SLC45A4: variants seen among roughly 807,000 people sequenced by gnomAD.
The protein encoded by SLC45A4 is solute carrier family 45 member 4.
In SLC45A4, 32 loss-of-function variants were observed where a neutral mutation model predicts 63.7. The observed-to-expected ratio is 0.50, with a 90% confidence interval of 0.38 to 0.67. The LOEUF (loss-of-function observed/expected upper bound fraction) is 0.67, where lower values mean the gene tolerates loss of function less well. SLC45A4 is among the 30% of genes least tolerant of loss of function. The pLI is 0.00. For synonymous variants in SLC45A4, 535 were observed against 510.0 expected (o/e 1.05, Z -0.66); for missense variants, 1,027 against 1,157.7 (o/e 0.89, Z 1.64).
chr8:141,219,494 C>T (rs1589768121), intron 4 of SLC45A4, among the ~76,000 whole-genome samples, 156 bp downstream of exon 4: 1 of 152,006 alleles, frequency 6.6e-6, no homozygotes, highest in Non-Finnish European at 1.5e-5. Flanking sequence ...GAGGGGCTGC[C>T]CCTGGTTACC....
At chr8:141,223,892 A>C (rs1826814895) in intron 2 of SLC45A4, among the ~76,000 whole-genome samples, 1 of 152,194 alleles carries the variant, frequency 6.6e-6, no homozygotes, top group Non-Finnish European at 1.5e-5. Context: ...CTCGAACACT[A>C]GCTGACCTGA....
At chr8:141,252,800 C>T (rs930807947) in intron 2 of SLC45A4, among the ~76,000 whole-genome samples, 5 of 145,256 alleles carry the variant, frequency 3.4e-5, no homozygotes, top group African/African-American at 1.0e-4. Context: ...TGTGAATTTC[C>T]GTGTTTTCAC....
At position 141,218,714 on chromosome 8, in the gene SLC45A4, G is replaced by A. The variant is rs775976981; in HGVS notation, c.926C>T (p.Ser309Leu). 6 of 1,612,648 alleles carry A rather than the reference G, an allele frequency of 3.7e-6. No individual in the cohort carries two copies. Among genetic ancestry groups the A allele is most frequent in the Admixed American group, 1.7e-5 (1 of 60,020 alleles). ...CGCGGTGTCCGGCACGTGCAATGCC[G>A]AGTCGCTTTTGCTGCGCATGATGTC... ...DVDIMRSKSD[S>L]ALHVPDTALD... Residue 309 changes from serine to leucine, a missense_variant, in exon 5 of 9, where the codon TCG (serine) becomes TTG (leucine). By Grantham distance (145) the Ser-to-Leu change is moderately radical (BLOSUM62 -2). Transcript: ENST00000517878.
At chr8:141,261,335 C>T (rs1044445861) in intron 1 of SLC45A4, among the ~76,000 whole-genome samples, 2 of 152,094 alleles carry the variant, frequency 1.3e-5, no homozygotes, top group African/African-American at 4.8e-5. Flanking sequence ...CCCTCTCTCA[C>T]CACTCCTATT....
intron 1 of SLC45A4, among the ~76,000 whole-genome samples, chr8:141,267,307 T>C (rs529145887): frequency 6.6e-6 from 1 of 152,346 alleles, no homozygotes; most frequent in South Asian, 2.1e-4. Context: ...CCTGCGTGGC[T>C]ACACAGTGCA....
intron 5 of SLC45A4, 139 bp from the exon 6 acceptor site, chr8:141,217,328 C>T: frequency 1.2e-6 from 1 of 824,236 alleles, no homozygotes; most frequent in Non-Finnish European, 1.9e-6. Context: ...GAGGAGAGCC[C>T]AGCCCAAGTC....
rs202071438 is a variant in SLC45A4, at chr8:141,221,590, G to A, written c.417C>T (p.Asn139=). The A allele has an allele frequency of 2.9e-5, 47 of 1,612,624 alleles. No individual in the cohort carries two copies. The highest frequency in any genetic ancestry group is 3.7e-5 in the Non-Finnish European group (44 of 1,179,698). ...GVLFGVALFL[N]GSAIGLALGD... Reference sequence around the variant, plus strand: ...CGAGAAACTTACCGATGGCAGAGCCGTTAAGGAAAAGTGCAACGCCAAAGA... The same window carrying A: ...CGAGAAACTTACCGATGGCAGAGCCATTAAGGAAAAGTGCAACGCCAAAGA... Residue 139 remains asparagine (N), a synonymous_variant, in exon 3 of 9, where the codon AAC becomes AAT. Transcript: ENST00000517878.
Position 141,253,970 on chromosome 8 carries a change from A to C in SLC45A4, c.241+19T>G. The C allele has an allele frequency of 6.5e-7, 1 of 1,535,618 alleles. No individual in the cohort carries two copies. The highest frequency in any genetic ancestry group is 8.7e-7 in the Non-Finnish European group (1 of 1,146,418). ...ACTCCGCTCAGCGTTCACTGCGCAC[A>C]GACGGGGAGGAGACTTACCAATCTG... On this transcript the variant is annotated intron_variant, in intron 2 of 8. Transcript: ENST00000517878.
chr8:141,249,668 C>T (rs1472184035), intron 2 of SLC45A4, among the ~76,000 whole-genome samples: 7 of 152,228 alleles, frequency 4.6e-5, no homozygotes, highest in East Asian at 1.9e-4. Context: ...TCAAACTGCC[C>T]GGAGTGAAGG....
In SLC45A4 at chr8:141,227,672, C is replaced by T. The variant is rs550020131; in HGVS notation, c.242-5907G>A. ...GGAAGGGCCACTGGCACTGGGCCCC[C>T]GGCACTGAGGCTCTGTGCTGGCGAG... On this transcript the variant is annotated intron_variant, in intron 2 of 8. Coordinates refer to ENST00000517878, the MANE Select transcript of SLC45A4 (RefSeq NM_001286646.2). The surrounding 1 kb of genome is among the most constrained non-coding windows in gnomAD (Gnocchi z 4.4). Among the ~76,000 whole-genome samples the T allele has an allele frequency of 1.3e-5, 2 of 152,176 alleles. No individual in the cohort carries two copies. Among genetic ancestry groups the T allele is most frequent in the Non-Finnish European group, 2.9e-5 (2 of 68,024 alleles).
intron 2 of SLC45A4, among the ~76,000 whole-genome samples, chr8:141,247,289 G>A (rs958992931): frequency 6.6e-5 from 10 of 152,176 alleles, no homozygotes; most frequent in Non-Finnish European, 1.5e-4. Context: ...TGAACAACCA[G>A]AAATGGAAAT....
chr8:141,215,072 C>T lies in SLC45A4; in HGVS notation c.1941+687G>A, dbSNP rs546709569. Among the ~76,000 whole-genome samples the T allele has an allele frequency of 2.1e-4, 32 of 152,238 alleles. No individual in the cohort carries two copies. Among genetic ancestry groups the T allele is most frequent in the African/African-American group, 5.8e-4 (24 of 41,534 alleles). ...TACACTGTGACATGAAAAGGCTGGCCGTGCTGCCGCCAGCAAGCACGTGAG... is the reference window on the plus strand; with the variant it reads ...TACACTGTGACATGAAAAGGCTGGCTGTGCTGCCGCCAGCAAGCACGTGAG... On this transcript the variant is annotated intron_variant, in intron 7 of 8. Coordinates refer to ENST00000517878, the MANE Select transcript of SLC45A4 (RefSeq NM_001286646.2). This position sits in a 1 kb window ranked among gnomAD's most constrained non-coding sequence, Gnocchi z 4.3.
chr8:141,288,583 C>T (rs1222433728), intron 1 of SLC45A4, among the ~76,000 whole-genome samples: 1 of 152,246 alleles, frequency 6.6e-6, no homozygotes. Flanking sequence ...ATTTCTCCTA[C>T]AGGCCTACTT....
intron 1 of SLC45A4, among the ~76,000 whole-genome samples, chr8:141,282,964 C>A (rs1830009686): frequency 6.6e-6 from 1 of 152,260 alleles, no homozygotes. Flanking sequence ...CGGAGACGTG[C>A]ACAGACCTGC....
In SLC45A4 at chr8:141,286,114, C is replaced by T. The variant is rs543892078; in HGVS notation, c.-401+21982G>A. ...TCCCCTCCGCTGGGGACTTCCTGGTCGTGAGCTATGCCCAGAGGAGTCAAA... is the reference window on the plus strand; with the variant it reads ...TCCCCTCCGCTGGGGACTTCCTGGTTGTGAGCTATGCCCAGAGGAGTCAAA... On this transcript the variant is annotated intron_variant, in intron 1 of 8. Transcript: ENST00000517878. Among the ~76,000 whole-genome samples the T allele has an allele frequency of 5.8e-4, 88 of 152,272 alleles. 2 individuals carry two copies. In the South Asian group the frequency reaches 0.018, roughly 31 times the overall value.
chr8:141,252,866 T>C (rs1371829817), intron 2 of SLC45A4, among the ~76,000 whole-genome samples: 1 of 148,922 alleles, frequency 6.7e-6, no homozygotes, highest in Non-Finnish European at 1.5e-5. Context: ...CCCGTGTCTG[T>C]GAATTTCTGT....
At chr8:141,235,937 A>G (rs1310921711) in intron 2 of SLC45A4, among the ~76,000 whole-genome samples, 5 of 152,132 alleles carry the variant, frequency 3.3e-5, no homozygotes, top group Non-Finnish European at 5.9e-5. Context: ...CCCCGTCTCT[A>G]CTAAAAATAT....
At chr8:141,234,952 G>A (rs931342977) in intron 2 of SLC45A4, among the ~76,000 whole-genome samples, 2 of 152,190 alleles carry the variant, frequency 1.3e-5, no homozygotes, top group African/African-American at 4.8e-5. Flanking sequence ...GTGTGTCCCC[G>A]CGCTGGTCTG....
intron 2 of SLC45A4, among the ~76,000 whole-genome samples, chr8:141,246,813 C>G (rs1391053731): frequency 6.6e-6 from 1 of 152,034 alleles, no homozygotes; most frequent in Non-Finnish European, 1.5e-5. Context: ...TAAGCTTCAC[C>G]TTAAGAAACT....
Sources: allele counts gnomAD v4.1 joint callset (sites outside exome capture counted in the v4.1 genomes callset), GRCh38; gene constraint gnomAD v4.1.1; non-coding constraint Gnocchi (gnomAD v3.1); transcripts MANE v1.5; gene names NCBI Gene and HGNC (gene_info 2026-07-23, HGNC 2026-07-21).